The following DLG2 variants were observed in gnomAD, a reference collection of about 807,000 sequenced individuals.
DLG2 encodes the protein disks large homolog 2.
A neutral mutation model predicts 132.5 loss-of-function variants in DLG2; 45 were observed. The observed-to-expected ratio is 0.34, with a 90% CI of 0.27 to 0.44. DLG2 has a LOEUF of 0.44. DLG2 is among the 20% of genes least tolerant of loss of function. The probability of loss-of-function intolerance (pLI) is 1.00; values close to 1 mark genes in which losing one functional copy is unlikely to be tolerated. For missense variants in DLG2, 1,045 were observed against 1,196.9 expected (o/e 0.87, Z 1.87); for synonymous variants, 424 against 419.6 (o/e 1.01, Z -0.13).
At chr11:84,465,496 G>C (rs866145132) in intron 7 of DLG2, among the ~76,000 whole-genome samples, 2 of 151,250 alleles carry the variant, frequency 1.3e-5, no homozygotes, top group South Asian at 4.1e-4. Context: ...GACAATGATA[G>C]AGACTTTCCC....
At chr11:84,787,659 A>G (rs910256948) in intron 6 of DLG2, among the ~76,000 whole-genome samples, 1 of 152,098 alleles carries the variant, frequency 6.6e-6, no homozygotes, top group African/African-American at 2.4e-5. Context: ...TATATGCCTA[A>G]TTTATTTTTC....
chr11:85,228,055 A>AT (rs1447577879), intron 4 of DLG2, among the ~76,000 whole-genome samples: 1 of 151,838 alleles, frequency 6.6e-6, no homozygotes, highest in Non-Finnish European at 1.5e-5. Context: ...AAATATCTTT[A>AT]TTTTTTTCTC....
intron 3 of DLG2, among the ~76,000 whole-genome samples, chr11:85,529,924 C>T (rs1308471865): frequency 6.6e-6 from 1 of 151,912 alleles, no homozygotes; most frequent in Non-Finnish European, 1.5e-5. Flanking sequence ...TTTCTTTAAA[C>T]CAATTTACCA....
chr11:85,628,280 C>T (rs1456887796), upstream of DLG2, among the ~76,000 whole-genome samples: 1 of 152,198 alleles, frequency 6.6e-6, no homozygotes, highest in African/African-American at 2.4e-5. Flanking sequence ...GAGGCAGGAG[C>T]GCAGTAACAT....
intron 3 of DLG2, among the ~76,000 whole-genome samples, chr11:85,397,923 C>T (rs753368504): frequency 9.2e-4 from 140 of 152,056 alleles, no homozygotes; most frequent in Non-Finnish European, 1.6e-3. Context: ...CTGGACCAAG[C>T]GGACCTAATA....
chr11:85,350,032 T>G lies in DLG2; in HGVS notation c.41-64667A>C, dbSNP rs185938218. Among the ~76,000 whole-genome samples the G allele has an allele frequency of 2.9e-3, 443 of 152,356 alleles. 1 individual carries two copies. The highest frequency in any genetic ancestry group is 0.01 in the African/African-American group (429 of 41,578). On this transcript the variant is annotated intron_variant, in intron 3 of 27. Transcript: ENST00000376104. ...AACTAATTTACACTAGCACCAACAG[T>G]GTAAAAGCATTCCTATTTCTCAACA...
At chr11:84,386,409 T>C (rs1478623665) in intron 7 of DLG2, among the ~76,000 whole-genome samples, 1 of 152,108 alleles carries the variant, frequency 6.6e-6, no homozygotes, top group Admixed American at 6.6e-5. Flanking sequence ...AAAATCTCTC[T>C]CTTATTTCAA....
intron 7 of DLG2, among the ~76,000 whole-genome samples, chr11:84,348,011 T>C (rs1022285545): frequency 2.0e-5 from 3 of 152,148 alleles, no homozygotes; most frequent in Non-Finnish European, 4.4e-5. Flanking sequence ...GGAACAACAA[T>C]AACATTCACA....
At chr11:85,313,687 A>T (rs2080456876) in intron 3 of DLG2, among the ~76,000 whole-genome samples, 1 of 152,054 alleles carries the variant, frequency 6.6e-6, no homozygotes, top group Non-Finnish European at 1.5e-5. Flanking sequence ...CTATTTATTC[A>T]TAATTGAAAA....
chr11:84,885,894 T>C (rs1239541731), intron 6 of DLG2, among the ~76,000 whole-genome samples: 1 of 152,068 alleles, frequency 6.6e-6, no homozygotes, highest in African/African-American at 2.4e-5. Context: ...TTATTCTCAA[T>C]AGATACATGA....
At chr11:84,326,127 T>C (rs1347233124) in intron 7 of DLG2, among the ~76,000 whole-genome samples, 1 of 152,016 alleles carries the variant, frequency 6.6e-6, no homozygotes, top group Non-Finnish European at 1.5e-5. Context: ...TTGAGCCTTC[T>C]CTTTTTTTAT....
At chr11:83,915,551 GA>G (rs1230770890) in intron 15 of DLG2, among the ~76,000 whole-genome samples, 2 of 152,106 alleles carry the variant, frequency 1.3e-5, no homozygotes, top group African/African-American at 4.8e-5. Context: ...GTAAAAATCT[GA>G]AAACCTTCTT....
chr11:84,060,144 C>T (rs939072636), intron 10 of DLG2, among the ~76,000 whole-genome samples: 16 of 152,004 alleles, frequency 1.1e-4, no homozygotes, highest in African/African-American at 3.1e-4. Context: ...GAAACCCCGT[C>T]TCTACCAAAA....
intron 3 of DLG2, among the ~76,000 whole-genome samples, chr11:85,403,622 G>C (rs1014414296): frequency 1.1e-4 from 16 of 152,038 alleles, no homozygotes; most frequent in African/African-American, 3.9e-4. Flanking sequence ...CTAGAGTCTA[G>C]TGTTTTGTGG....
chr11:83,577,459 A>ATATATATATATAAAATAGGATATAT (rs2096890980), intron 19 of DLG2, among the ~76,000 whole-genome samples: 4 of 129,368 alleles, frequency 3.1e-5, no homozygotes, highest in Non-Finnish European at 6.1e-5. Context: ...AACTAATAGG[A>ATATATATATATAAAATAGGATATAT]TATATATATA....
In DLG2 at chr11:84,251,254, A is replaced by G. The variant is rs781080266; in HGVS notation, c.557T>C (p.Leu186Ser). The G allele has an allele frequency of 6.3e-7, 1 of 1,588,378 alleles. No homozygotes were observed. Among genetic ancestry groups the G allele is most frequent in the Non-Finnish European group, 8.5e-7 (1 of 1,170,618 alleles). The change falls in exon 8 of 28, where the codon TTG becomes TCG. Residue 186 changes from leucine (L) to serine (S), a missense_variant. This residue lies in a region of DLG2 where 277 missense variants were observed against 238.2 expected (regional missense o/e 1.16). Transcript: ENST00000376104. ...PAPIIVNTDT[L>S]DTIPYVNGTE... is the part of the protein sequence containing the mutation. ...GTTACTTACATAAGGAATTGTGTCC[A>G]AAGTATCTGTGTTGACAATTATAGG... is the stretch of plus-strand genomic sequence containing the variant.
intron 4 of DLG2, among the ~76,000 whole-genome samples, chr11:85,213,934 A>G (rs1201719357): frequency 6.6e-6 from 1 of 152,154 alleles, no homozygotes; most frequent in Non-Finnish European, 1.5e-5. Flanking sequence ...AAGTGGGAGC[A>G]GGTCACATTG....
At chr11:84,419,945 T>C (rs574080284) in intron 7 of DLG2, among the ~76,000 whole-genome samples, 3 of 152,292 alleles carry the variant, frequency 2.0e-5, no homozygotes, top group Admixed American at 2.0e-4. Flanking sequence ...CAGTGTTAAT[T>C]ATGTCAATTA....
At chr11:85,423,771 C>A (rs574719968) in intron 3 of DLG2, among the ~76,000 whole-genome samples, 1 of 152,282 alleles carries the variant, frequency 6.6e-6, no homozygotes, top group East Asian at 1.9e-4. Flanking sequence ...TGGTCTCACA[C>A]CCACCATGCC....
Sources: allele counts gnomAD v4.1 joint callset (sites outside exome capture counted in the v4.1 genomes callset), GRCh38; gene constraint gnomAD v4.1.1; regional missense constraint gnomAD v4.1.1; transcripts MANE v1.5; gene names NCBI Gene and HGNC (gene_info 2026-07-23, HGNC 2026-07-21).